The following MACROD1 variants were observed in gnomAD, a reference collection of about 807,000 sequenced individuals.
MACROD1 encodes the protein ADP-ribose glycohydrolase MACROD1.
MACROD1 carries 31 observed loss-of-function variants against 41.4 expected under a neutral mutation model. That is an observed-to-expected ratio of 0.75 (90% CI 0.56 to 1.01). MACROD1 has a LOEUF of 1.01. Ranked by LOEUF, MACROD1 falls within the 50% of genes least tolerant of loss-of-function variation. The probability of loss-of-function intolerance (pLI) is 0.00; values close to 1 mark genes in which losing one functional copy is unlikely to be tolerated. For synonymous variants in MACROD1, 252 were observed against 203.4 expected (o/e 1.24, Z -2.03); for missense variants, 473 against 460.0 (o/e 1.03, Z -0.26).
At chr11:64,102,986 G>A (rs971408626) in intron 3 of MACROD1, among the ~76,000 whole-genome samples, 11 of 151,974 alleles carry the variant, frequency 7.2e-5, no homozygotes, top group African/African-American at 2.2e-4. Flanking sequence ...CAGGGGAATC[G>A]GTTGAACCTG....
chr11:64,055,753 G>A (rs1361205449), intron 3 of MACROD1, among the ~76,000 whole-genome samples: 1 of 152,176 alleles, frequency 6.6e-6, no homozygotes, highest in Admixed American at 6.5e-5. Flanking sequence ...GGGATTCCCT[G>A]CTCCTCTGCA....
intron 3 of MACROD1, among the ~76,000 whole-genome samples, chr11:64,073,431 C>G (rs1304539356): frequency 6.6e-6 from 1 of 152,258 alleles, no homozygotes; most frequent in Non-Finnish European, 1.5e-5. Context: ...GGCTTCTACT[C>G]TTAACTCCCT....
intron 3 of MACROD1, among the ~76,000 whole-genome samples, chr11:64,134,240 G>T (rs1282615460): frequency 6.6e-6 from 1 of 152,196 alleles, no homozygotes; most frequent in African/African-American, 2.4e-5. Flanking sequence ...AGCTCTGGAG[G>T]TCCCCATGTC....
At chr11:64,137,361 T>C (rs1400832274) in intron 3 of MACROD1, among the ~76,000 whole-genome samples, 1 of 151,970 alleles carries the variant, frequency 6.6e-6, no homozygotes, top group Non-Finnish European at 1.5e-5. Context: ...TAAACCATCC[T>C]TGGGGGAGAT....
chr11:64,161,661 C>T (rs1192346447), intron 1 of MACROD1, among the ~76,000 whole-genome samples: 2 of 152,246 alleles, frequency 1.3e-5, no homozygotes, highest in Non-Finnish European at 2.9e-5. Context: ...TGGCCAGGCA[C>T]AGTGGCTCAC....
chr11:64,065,574 G>A (rs1211923139), intron 3 of MACROD1, among the ~76,000 whole-genome samples: 3 of 152,010 alleles, frequency 2.0e-5, no homozygotes, highest in Non-Finnish European at 4.4e-5. Flanking sequence ...CGAATCACGA[G>A]GTCAGGAGAT....
chr11:64,060,112 T>C (rs1943870063), intron 3 of MACROD1, among the ~76,000 whole-genome samples: 1 of 152,254 alleles, frequency 6.6e-6, no homozygotes, highest in Non-Finnish European at 1.5e-5. Context: ...CAAGTAATAA[T>C]GCACCTTACT....
At chr11:64,019,899 G>A (rs1943131210) in intron 3 of MACROD1, among the ~76,000 whole-genome samples, 1 of 152,006 alleles carries the variant, frequency 6.6e-6, no homozygotes, top group African/African-American at 2.4e-5. Context: ...GGAGGGAGGG[G>A]CACGGGGACG....
intron 4 of MACROD1, among the ~76,000 whole-genome samples, chr11:64,011,140 G>A (rs143793632): frequency 2.5e-4 from 36 of 146,432 alleles, no homozygotes; most frequent in Non-Finnish European, 4.4e-4. Context: ...TGGTTGGCAC[G>A]AGTTGGTTGG....
At position 64,112,098 on chromosome 11, in the gene MACROD1, G is replaced by A. The variant is rs11231699; in HGVS notation, c.517+39141C>T. Among the ~76,000 whole-genome samples the A allele has an allele frequency of 0.038, 5,787 of 152,298 alleles. 709 individuals are homozygous for A. In the East Asian group the frequency reaches 0.47, roughly 12 times the overall value. Reference sequence around the variant, plus strand: ...GCCTCTGTTCTCTCATCTACAGAACGAGTCCATCACAGTTTCTCCTTTGAA... The same window carrying A: ...GCCTCTGTTCTCTCATCTACAGAACAAGTCCATCACAGTTTCTCCTTTGAA... On this transcript the variant is annotated intron_variant, in intron 3 of 10. Coordinates refer to ENST00000255681, the MANE Select transcript of MACROD1 (RefSeq NM_014067.4).
At chr11:64,154,385 A>C in intron 1 of MACROD1, among the ~76,000 whole-genome samples, 1 of 151,782 alleles carries the variant, frequency 6.6e-6, no homozygotes, top group South Asian at 2.1e-4. Context: ...CACCCTAGAA[A>C]CCAAGCCTTC....
At chr11:64,021,963 G>C (rs1167172206) in intron 3 of MACROD1, among the ~76,000 whole-genome samples, 1 of 110,376 alleles carries the variant, frequency 9.1e-6, no homozygotes, top group Non-Finnish European at 2.0e-5. Context: ...GTGAGGTGGC[G>C]GCGGGCAGTG....
chr11:64,089,956 G>A (rs571440424), intron 3 of MACROD1, among the ~76,000 whole-genome samples: 18 of 152,332 alleles, frequency 1.2e-4, no homozygotes, highest in South Asian at 4.1e-4. Context: ...TGTAAAGTGA[G>A]AGGATTGGAT....
intron 3 of MACROD1, among the ~76,000 whole-genome samples, chr11:64,075,434 A>G (rs930416372): frequency 3.9e-5 from 6 of 152,242 alleles, no homozygotes; most frequent in African/African-American, 1.4e-4. Flanking sequence ...CATTTTACAG[A>G]TGGAAGCAAC....
chr11:64,017,710 G>A (rs753972449), intron 3 of MACROD1, among the ~76,000 whole-genome samples: 2 of 152,128 alleles, frequency 1.3e-5, no homozygotes. Context: ...CTCAGGTCTC[G>A]GTCCAGCTCC....
rs35851449 is a variant in MACROD1, at chr11:64,117,995, C to T, written c.517+33244G>A. Reference sequence around the variant, plus strand: ...TGGTCCTGGGGGCCATCTGCTGGTACGTGCACCAGGCTGGCGAGCTGCTGA... The same window carrying T: ...TGGTCCTGGGGGCCATCTGCTGGTATGTGCACCAGGCTGGCGAGCTGCTGA... On this transcript the variant is annotated intron_variant, in intron 3 of 10. Coordinates refer to ENST00000255681, the MANE Select transcript of MACROD1 (RefSeq NM_014067.4). 2.5e-3 allele frequency: 4,074 copies of T among 1,613,774 alleles called. 68 individuals carry two copies. The African/African-American group carries it at 0.04, about 16-fold the overall frequency.
At chr11:64,059,667 G>A (rs1162803965) in intron 3 of MACROD1, among the ~76,000 whole-genome samples, 1 of 152,198 alleles carries the variant, frequency 6.6e-6, no homozygotes, top group Non-Finnish European at 1.5e-5. Flanking sequence ...CCCTGCAGTG[G>A]TGCAGATGGG....
At chr11:63,999,153 C>T (rs1942770883) in intron 8 of MACROD1, 117 bp from the exon 9 acceptor site, 7 of 1,321,426 alleles carry the variant, frequency 5.3e-6, no homozygotes, top group African/African-American at 1.5e-5. Flanking sequence ...CACGGAGGCT[C>T]ACGGCTGTGT....
intron 3 of MACROD1, among the ~76,000 whole-genome samples, chr11:64,124,007 A>G (rs1253356904): frequency 6.6e-6 from 1 of 152,220 alleles, no homozygotes. Flanking sequence ...AAGGGAGCAG[A>G]TATCAAGAGA....
Sources: gnomAD v4.1 joint callset for allele counts (sites outside exome capture counted in the v4.1 genomes callset) on GRCh38, gnomAD v4.1.1 for gene constraint, MANE v1.5 for transcripts, NCBI Gene and HGNC (gene_info 2026-07-23, HGNC 2026-07-21) for gene names.